EYS: variants seen among roughly 807,000 people sequenced by gnomAD.
The protein encoded by EYS is protein eyes shut homolog.
A neutral mutation model predicts 282.1 loss-of-function variants in EYS; 250 were observed. The ratio of observed to expected loss-of-function variants is 0.89; its 90% CI spans 0.80 to 0.98. The LOEUF (loss-of-function observed/expected upper bound fraction) is 0.98. Among genes scored for constraint, EYS ranks in the 50% least tolerant of loss-of-function variants. The pLI, the probability that EYS is intolerant of heterozygous loss-of-function variation, is 0.00. For synonymous variants in EYS, 1,355 were observed against 1,282.9 expected (o/e 1.06, Z -1.20); for missense variants, 4,016 against 3,709.0 (o/e 1.08, Z -2.15).
At chr6:65,689,337 A>G (rs1189016579) in intron 1 of EYS, among the ~76,000 whole-genome samples, 1 of 149,660 alleles carries the variant, frequency 6.7e-6, no homozygotes, top group Non-Finnish European at 1.5e-5. Flanking sequence ...GAACACATGG[A>G]CACAAGAAGG....
At chr6:63,783,883 T>C (rs752006230) in intron 39 of EYS, among the ~76,000 whole-genome samples, 37 of 152,144 alleles carry the variant, frequency 2.4e-4, no homozygotes, top group Non-Finnish European at 4.3e-4. Flanking sequence ...ATATTGTGTG[T>C]GTGTGTGTGT....
chr6:65,017,035 G>A (rs988079662), intron 13 of EYS, among the ~76,000 whole-genome samples: 2 of 152,104 alleles, frequency 1.3e-5, no homozygotes, highest in Non-Finnish European at 2.9e-5. Context: ...AAGGAAGTCT[G>A]AGTGATGAAT....
At chr6:64,324,576 C>T (rs192006876) in intron 29 of EYS, among the ~76,000 whole-genome samples, 5 of 152,134 alleles carry the variant, frequency 3.3e-5, no homozygotes, top group Admixed American at 3.3e-4. Context: ...ACAAGGATGC[C>T]CCTCACATCA....
intron 22 of EYS, among the ~76,000 whole-genome samples, chr6:64,771,534 A>G (rs748853479): frequency 3.3e-5 from 5 of 151,684 alleles, no homozygotes; most frequent in Non-Finnish European, 7.4e-5. Context: ...TACATTTCAC[A>G]TTACACATTT....
chr6:64,310,869 T>C (rs1346186426), intron 29 of EYS, among the ~76,000 whole-genome samples: 3 of 152,194 alleles, frequency 2.0e-5, no homozygotes. Flanking sequence ...GGAACCACGT[T>C]GAATTTATCA....
intron 29 of EYS, among the ~76,000 whole-genome samples, chr6:64,363,626 C>CT (rs1772095404): frequency 6.6e-6 from 1 of 151,812 alleles, no homozygotes; most frequent in African/African-American, 2.4e-5. Context: ...GGCCTTCTGG[C>CT]TCTGAACATG....
At chr6:64,307,115 T>C (rs1050889538) in intron 29 of EYS, 33 bp from the exon 30 acceptor site, 1 of 1,051,684 alleles carries the variant, frequency 9.5e-7, no homozygotes, top group Non-Finnish European at 1.4e-6. Context: ...GAAGTAGAGA[T>C]AATTTAAATG....
At chr6:64,210,003 T>C (rs1765713099) in intron 31 of EYS, among the ~76,000 whole-genome samples, 1 of 152,194 alleles carries the variant, frequency 6.6e-6, no homozygotes. Flanking sequence ...TAATCTTCTG[T>C]CTCTTTATTT....
At chr6:64,278,107 G>A (rs938483774) in intron 30 of EYS, among the ~76,000 whole-genome samples, 2 of 152,128 alleles carry the variant, frequency 1.3e-5, no homozygotes, top group Non-Finnish European at 2.9e-5. Flanking sequence ...AGCTCTTACA[G>A]CAGTTGAAAA....
intron 22 of EYS, among the ~76,000 whole-genome samples, chr6:64,755,207 T>C (rs1772892818): frequency 6.6e-6 from 1 of 152,012 alleles, no homozygotes; most frequent in African/African-American, 2.4e-5. Context: ...TAAAAACCTA[T>C]GGAAAATGTT....
chr6:64,076,696 G>A (rs1234960501), intron 32 of EYS, among the ~76,000 whole-genome samples: 2 of 151,824 alleles, frequency 1.3e-5, no homozygotes, highest in Non-Finnish European at 2.9e-5. Context: ...CCAGCCCCGT[G>A]GAACTGTGAG....
intron 12 of EYS, among the ~76,000 whole-genome samples, chr6:65,116,251 A>T (rs1775370818): frequency 6.6e-6 from 1 of 152,300 alleles, no homozygotes; most frequent in African/African-American, 2.4e-5. Flanking sequence ...GTATGACTCT[A>T]TTACCAACCA....
chr6:65,578,363 G>A (rs1764749236), intron 2 of EYS, among the ~76,000 whole-genome samples: 1 of 151,690 alleles, frequency 6.6e-6, no homozygotes, highest in South Asian at 2.1e-4. Flanking sequence ...ACTTACATGT[G>A]AAAACTAAAA....
intron 15 of EYS, among the ~76,000 whole-genome samples, chr6:64,928,737 T>C (rs1056830185): frequency 6.6e-6 from 1 of 152,102 alleles, no homozygotes; most frequent in Non-Finnish European, 1.5e-5. Flanking sequence ...TAGTTTATTT[T>C]TAATTGACAA....
intron 26 of EYS, among the ~76,000 whole-genome samples, chr6:64,568,304 G>A (rs1258883085): frequency 1.3e-5 from 2 of 152,108 alleles, no homozygotes; most frequent in African/African-American, 4.8e-5. Context: ...AGAAGGCCTA[G>A]GAAACAGAGC....
At chr6:64,790,803 G>A (rs1218848364) in intron 22 of EYS, among the ~76,000 whole-genome samples, 1 of 151,706 alleles carries the variant, frequency 6.6e-6, no homozygotes, top group African/African-American at 2.4e-5. Context: ...GAAAGGCAAA[G>A]TAAGAACAAG....
intron 26 of EYS, among the ~76,000 whole-genome samples, chr6:64,538,218 T>G (rs1230068059): frequency 6.6e-6 from 1 of 152,188 alleles, no homozygotes; most frequent in East Asian, 1.9e-4. Flanking sequence ...GGTATGTTGA[T>G]GTACTACCTA....
chr6:63,888,154 CAA>C (rs1773313593), intron 35 of EYS, among the ~76,000 whole-genome samples: 1 of 152,196 alleles, frequency 6.6e-6, no homozygotes, highest in Non-Finnish European at 1.5e-5. Flanking sequence ...AGCTTATAGA[CAA>C]AACTCCCATC....
At chr6:64,932,260 G>A (rs1254541880) in intron 15 of EYS, among the ~76,000 whole-genome samples, 4 of 151,994 alleles carry the variant, frequency 2.6e-5, no homozygotes, top group African/African-American at 9.7e-5. Flanking sequence ...GTACAGGTAT[G>A]CATTTGACTC....
Sources: allele counts gnomAD v4.1 joint callset (sites outside exome capture counted in the v4.1 genomes callset), GRCh38; gene constraint gnomAD v4.1.1; transcripts MANE v1.5; gene names NCBI Gene and HGNC (gene_info 2026-07-23, HGNC 2026-07-21).